The following ARHGAP6 variants were observed in gnomAD, a reference collection of about 807,000 sequenced individuals.
ARHGAP6 encodes the protein rho GTPase-activating protein 6.
A neutral mutation model predicts 55.7 loss-of-function variants in ARHGAP6; 16 were observed. The ratio of observed to expected loss-of-function variants is 0.29; its 90% CI spans 0.19 to 0.44. ARHGAP6 has a LOEUF of 0.44. Among genes scored for constraint, ARHGAP6 ranks in the 20% least tolerant of loss-of-function variants. The pLI is 1.00. For missense variants in ARHGAP6, 698 were observed against 808.9 expected (o/e 0.86, Z 1.66); for synonymous variants, 382 against 360.9 (o/e 1.06, Z -0.66).
At chrX:11,643,647 C>A (rs1047126744) in intron 1 of ARHGAP6, among the ~76,000 whole-genome samples, 1 of 111,671 alleles carries the variant, frequency 9.0e-6, no homozygotes, top group African/African-American at 3.3e-5. Context: ...ATTACAGAAT[C>A]AATCCCTTAC....
intron 2 of ARHGAP6, among the ~76,000 whole-genome samples, chrX:11,233,580 A>C (rs1297694553): frequency 1.8e-5 from 2 of 112,249 alleles, no homozygotes; most frequent in African/African-American, 6.5e-5. Context: ...GAGAGTGAAG[A>C]AAATTAATTC....
At chrX:11,408,401 T>C (rs2049636220) in intron 1 of ARHGAP6, among the ~76,000 whole-genome samples, 1 of 111,873 alleles carries the variant, frequency 8.9e-6, no homozygotes, top group African/African-American at 3.3e-5. Flanking sequence ...GTTGCTCTCA[T>C]TGGTGGTTTG....
chrX:11,149,781 C>T (rs1476329601), intron 10 of ARHGAP6, among the ~76,000 whole-genome samples: 2 of 111,779 alleles, frequency 1.8e-5, no homozygotes, highest in African/African-American at 6.5e-5. Context: ...AAGCCTAATG[C>T]TCCCCCAGAA....
At chrX:11,543,692 G>A (rs1476478521) in intron 1 of ARHGAP6, among the ~76,000 whole-genome samples, 2 of 112,010 alleles carry the variant, frequency 1.8e-5, no homozygotes, top group Non-Finnish European at 3.8e-5. Context: ...GGCAACAAGT[G>A]ACATTGCCAC....
At chrX:11,179,163 C>A in intron 7 of ARHGAP6, 139 bp downstream of exon 7, 1 of 587,878 alleles carries the variant, frequency 1.7e-6, no homozygotes, top group South Asian at 5.1e-5. Context: ...CTGAGAAATT[C>A]CCTCAAATAG....
intron 9 of ARHGAP6, among the ~76,000 whole-genome samples, chrX:11,157,556 C>T (rs1171453731): frequency 1.8e-5 from 2 of 112,387 alleles, no homozygotes; most frequent in Non-Finnish European, 3.8e-5. Context: ...GAACCCAGCT[C>T]TGACTTGTGG....
intron 10 of ARHGAP6, chrX:11,148,851 A>C: frequency 4.0e-6 from 1 of 252,462 alleles, no homozygotes; most frequent in Non-Finnish European, 7.7e-6. Context: ...TAATCATATG[A>C]CTGATAAGTT....
chrX:11,500,238 C>T (rs1213264495), intron 1 of ARHGAP6, among the ~76,000 whole-genome samples: 1 of 111,642 alleles, frequency 9.0e-6, no homozygotes, highest in Non-Finnish European at 1.9e-5. Context: ...GGTCATCTAC[C>T]TGCTTCATCC....
chrX:11,326,650 T>C lies in ARHGAP6; in HGVS notation c.589-71943A>G, dbSNP rs190120246. On this transcript the variant is annotated intron_variant, in intron 1 of 12. Transcript: ENST00000337414. ...TAAAGCTTGAATGAATCTGAGTAAC[T>C]CTTTTTCCCTCGATGTCAAAAGTAA... Among the ~76,000 whole-genome samples the C allele has an allele frequency of 3.8e-3, 420 of 111,697 alleles. 1 individual carries two copies. Among genetic ancestry groups the C allele is most frequent in the South Asian group, 0.011 (28 of 2,659 alleles).
intron 2 of ARHGAP6, among the ~76,000 whole-genome samples, chrX:11,236,143 A>C (rs2047197036): frequency 8.9e-6 from 1 of 112,149 alleles, no homozygotes; most frequent in Non-Finnish European, 1.9e-5. Context: ...AAAGAGGTTT[A>C]ATTGACTCAG....
intron 1 of ARHGAP6, among the ~76,000 whole-genome samples, chrX:11,364,006 G>C (rs2049044361): frequency 8.9e-6 from 1 of 111,966 alleles, no homozygotes; most frequent in African/African-American, 3.3e-5. Flanking sequence ...TATATTCCAT[G>C]GAATACTATG....
chrX:11,139,755 G>C (rs775613191), intron 12 of ARHGAP6, among the ~76,000 whole-genome samples: 2 of 111,868 alleles, frequency 1.8e-5, no homozygotes, highest in African/African-American at 6.5e-5. Flanking sequence ...CATATGCCTA[G>C]ACTCTGACAG....
At chrX:11,188,320 C>T (rs918158114) in intron 4 of ARHGAP6, among the ~76,000 whole-genome samples, 8 of 111,973 alleles carry the variant, frequency 7.1e-5, no homozygotes, top group African/African-American at 1.3e-4. Flanking sequence ...GAAGACCCAC[C>T]GCCAATTCAT....
intron 1 of ARHGAP6, among the ~76,000 whole-genome samples, chrX:11,599,388 C>A: frequency 8.9e-6 from 1 of 111,742 alleles, no homozygotes; most frequent in East Asian, 2.8e-4. Flanking sequence ...TGCATGTATA[C>A]ATAATATAAT....
At chrX:11,427,145 C>T in intron 1 of ARHGAP6, among the ~76,000 whole-genome samples, 1 of 111,593 alleles carries the variant, frequency 9.0e-6, no homozygotes, top group Non-Finnish European at 1.9e-5. Context: ...ACACTGAGAT[C>T]ATGAAGCGGC....
intron 2 of ARHGAP6, among the ~76,000 whole-genome samples, chrX:11,228,997 G>A (rs768352025): frequency 2.7e-5 from 3 of 112,148 alleles, no homozygotes; most frequent in South Asian, 7.4e-4. Context: ...TTATATACAT[G>A]GTCAGTTAAA....
At chrX:11,416,651 G>C (rs911092432) in intron 1 of ARHGAP6, among the ~76,000 whole-genome samples, 3 of 110,941 alleles carry the variant, frequency 2.7e-5, no homozygotes, top group African/African-American at 6.6e-5. Flanking sequence ...CTTTGAAATG[G>C]ATGAATAAAA....
intron 1 of ARHGAP6, among the ~76,000 whole-genome samples, chrX:11,330,945 C>T (rs990668509): frequency 9.0e-6 from 1 of 111,489 alleles, no homozygotes; most frequent in Non-Finnish European, 1.9e-5. Context: ...AAAACAGTAT[C>T]TCAAAATGAA....
chrX:11,384,056 A>T lies in ARHGAP6; in HGVS notation c.589-129349T>A, dbSNP rs1603157661. 2.7e-5 allele frequency among the ~76,000 whole-genome samples: 3 copies of T among 111,757 alleles called. No individual in the cohort carries two copies. The South Asian group carries it at 1.2e-3, about 43-fold the overall frequency. On this transcript the variant is annotated intron_variant, in intron 1 of 12. Transcript: ENST00000337414. ...ATTTATAGAAAAAAAGAATAAGGAT[A>T]AAAAAGTATCTACAGGATGGACAAT...
Sources: allele counts gnomAD v4.1 joint callset (sites outside exome capture counted in the v4.1 genomes callset), GRCh38; gene constraint gnomAD v4.1.1; transcripts MANE v1.5; gene names NCBI Gene and HGNC (gene_info 2026-07-23, HGNC 2026-07-21).